Variants in ENOSF1 observed in about 807,000 individuals in gnomAD.
ENOSF1 encodes mitochondrial enolase superfamily member 1.
In ENOSF1, 73 loss-of-function variants were observed where a neutral mutation model predicts 68.2. The ratio of observed to expected loss-of-function variants is 1.07; its 90% CI spans 0.89 to 1.30. ENOSF1 has a LOEUF of 1.30. Among genes scored for constraint, ENOSF1 ranks in the 50% most tolerant of loss-of-function variants. The probability of loss-of-function intolerance (pLI) is 0.00; values close to 1 mark genes in which losing one functional copy is unlikely to be tolerated. For synonymous variants in ENOSF1, 223 were observed against 210.4 expected (o/e 1.06, Z -0.52); for missense variants, 589 against 554.5 (o/e 1.06, Z -0.62).
chr18:675,356 C>A lies in ENOSF1; in HGVS notation c.1195G>T (p.Val399Leu). The A allele has an allele frequency of 6.2e-7, 1 of 1,612,216 alleles. No homozygotes were observed. Among genetic ancestry groups the A allele is most frequent in the Non-Finnish European group, 8.5e-7 (1 of 1,179,710 alleles). ...ATGTAGGAAGCCCGCTGGATCATCACGGGATACTTGAAATGCTCATGCAGG... is the reference window on the plus strand; with the variant it reads ...ATGTAGGAAGCCCGCTGGATCATCAAGGGATACTTGAAATGCTCATGCAGG... ...DHLHEHFKYPVMIQRASYMPP... is the reference protein window; with the variant it reads ...DHLHEHFKYPLMIQRASYMPP... The change falls in exon 15 of 16, where the codon GTG (valine) becomes TTG (leucine). Residue 399 changes from valine to leucine, a missense_variant. By Grantham distance (32) the Val-to-Leu change is conservative. Transcript: ENST00000647584.
At chr18:704,715 C>G (rs1240886677) in intron 2 of ENOSF1, among the ~76,000 whole-genome samples, 1 of 151,022 alleles carries the variant, frequency 6.6e-6, no homozygotes, top group African/African-American at 2.4e-5. Context: ...AAGCAATTCT[C>G]GTGCTTCAGC....
At chr18:700,293 A>G (rs2078195978) in intron 2 of ENOSF1, among the ~76,000 whole-genome samples, 1 of 152,130 alleles carries the variant, frequency 6.6e-6, no homozygotes, top group Admixed American at 6.5e-5. Flanking sequence ...AGTCCTCCTC[A>G]CTTCTTGAAG....
At chr18:666,939 A>AGATGGT (rs1301411807), downstream of ENOSF1, among the ~76,000 whole-genome samples, 3 of 28,120 alleles carry the variant, frequency 1.1e-4, no homozygotes, top group South Asian at 1.8e-3. Context: ...ATGGTGATGG[A>AGATGGT]GATGGTGATG....
chr18:699,199 C>T (rs934214365), intron 2 of ENOSF1, among the ~76,000 whole-genome samples: 5 of 152,130 alleles, frequency 3.3e-5, no homozygotes, highest in Non-Finnish European at 7.4e-5. Context: ...CTGGCGCTCA[C>T]TCCTGTAATG....
At chr18:674,491 GCTTTTACGT>G (rs2075271884) in intron 15 of ENOSF1, 85 bp from the exon 16 acceptor site, 2 of 852,890 alleles carry the variant, frequency 2.3e-6, no homozygotes, top group South Asian at 3.1e-5. Flanking sequence ...TCCAAGAAAT[GCTTTTACGT>G]CTAAGCCAGA....
rs11429267 is a variant in ENOSF1, at chr18:704,440, G to GAAAAAAAAAAAA, written c.193+2018_193+2029dup. Among the ~76,000 whole-genome samples, 101 of 97,226 alleles carry GAAAAAAAAAAAA rather than the reference G, an allele frequency of 1.0e-3. 1 individual carries two copies. Among genetic ancestry groups the GAAAAAAAAAAAA allele is most frequent in the African/African-American group, 2.7e-3 (70 of 26,222 alleles). The allele number at this position is 97,226 out of a possible 152,430, so 63.8% of individuals were successfully genotyped here. A position where few individuals can be genotyped will look rare whatever the true frequency, so the allele number is the denominator to read the frequency against. On this transcript the variant is annotated intron_variant, in intron 2 of 15. Coordinates refer to ENST00000647584, the MANE Select transcript of ENOSF1 (RefSeq NM_017512.7). ...AAGACTCTTGTTTCCAAAAAGAAAA[G>GAAAAAAAAAAAA]AAAAAAAAAAAAAAAAAGAACAGCC...
intron 2 of ENOSF1, among the ~76,000 whole-genome samples, chr18:700,496 T>C (rs2078218904): frequency 6.6e-6 from 1 of 152,200 alleles, no homozygotes; most frequent in South Asian, 2.1e-4. Context: ...TTTTTATGAC[T>C]CTCAGAGTGC....
intron 2 of ENOSF1, among the ~76,000 whole-genome samples, chr18:702,785 TA>T (rs1374766058): frequency 2.0e-5 from 3 of 152,044 alleles, no homozygotes; most frequent in East Asian, 3.8e-4. Flanking sequence ...AAAAAAAGGA[TA>T]AAAATGAATA....
downstream of ENOSF1, among the ~76,000 whole-genome samples, chr18:665,890 T>C (rs1222656430): frequency 2.0e-5 from 2 of 98,472 alleles, 1 homozygote; most frequent in African/African-American, 1.3e-4. Context: ...TAGTTTGTTA[T>C]AATTTCTGTT....
downstream of ENOSF1, among the ~76,000 whole-genome samples, chr18:667,996 T>TTTTTTTTTTTTTTTTG (rs2074890308): frequency 6.9e-6 from 1 of 145,946 alleles, no homozygotes; most frequent in African/African-American, 2.6e-5. Flanking sequence ...ACAGGAATTT[T>TTTTTTTTTTTTTTTTG]TTTTTTTTTT....
chr18:688,559 C>A lies in ENOSF1; in HGVS notation c.653+15G>T, dbSNP rs781513421. The stretch of plus-strand genomic sequence containing the variant: ...TGCCGCCAACTGGGAAAGTCAGGTC[C>A]ATCATCACACTCACCTGGTCCAGCC... On this transcript the variant is annotated intron_variant, in intron 9 of 15. Coordinates refer to ENST00000647584, the MANE Select transcript of ENOSF1 (RefSeq NM_017512.7). 6.2e-7 allele frequency: 1 copy of A among 1,614,020 alleles called. No individual in the cohort carries two copies.
intron 8 of ENOSF1, 83 bp downstream of exon 8, chr18:690,464 TGA>T (rs1267324741): frequency 1.7e-5 from 25 of 1,443,258 alleles, no homozygotes; most frequent in Non-Finnish European, 2.2e-5. Context: ...AGTGAGGTAC[TGA>T]GAGTAGTGGT....
intron 2 of ENOSF1, among the ~76,000 whole-genome samples, chr18:700,278 G>T (rs2078192654): frequency 6.6e-6 from 1 of 152,110 alleles, no homozygotes. Flanking sequence ...ATTGTGAGAA[G>T]ACAGAGTCCT....
intron 2 of ENOSF1, among the ~76,000 whole-genome samples, chr18:703,808 T>C (rs1465719202): frequency 6.6e-6 from 1 of 152,182 alleles, no homozygotes; most frequent in Admixed American, 6.5e-5. Context: ...TGGGGCCTGG[T>C]GGGAGGTGAT....
chr18:671,004 G>C lies in ENOSF1; in HGVS notation c.*3301C>G. The C allele has an allele frequency of 9.3e-7, 1 of 1,071,724 alleles. No individual in the cohort carries two copies. Among genetic ancestry groups the C allele is most frequent in the Non-Finnish European group, 1.3e-6 (1 of 760,266 alleles). The allele number at this position is 1,071,724 out of a possible 1,614,324, so 66.4% of individuals were successfully genotyped here. On this transcript the variant is annotated 3_prime_UTR_variant, in exon 16 of 16. Coordinates refer to ENST00000647584, the MANE Select transcript of ENOSF1 (RefSeq NM_017512.7). The stretch of plus-strand genomic sequence containing the variant: ...ATATGTGTAAGTAAGAAATGAACCA[G>C]CTTTTACTTTGAAACCTTCCTCTTC...
intron 5 of ENOSF1, chr18:693,477 GATA>G (rs2077407426): frequency 2.0e-6 from 2 of 985,210 alleles, no homozygotes; most frequent in Non-Finnish European, 2.4e-6. Context: ...GCCTGGCCTG[GATA>G]ATATCTTCAT....
At chr18:683,223 A>G (rs771022460) in intron 11 of ENOSF1, 23 bp downstream of exon 11, 15 of 1,612,384 alleles carry the variant, frequency 9.3e-6, no homozygotes, top group South Asian at 2.2e-5. Flanking sequence ...AAGCTGCCAC[A>G]GCAGCAGCAG....
intron 11 of ENOSF1, among the ~76,000 whole-genome samples, chr18:682,633 C>A (rs1475281747): frequency 6.6e-6 from 1 of 150,808 alleles, no homozygotes; most frequent in Admixed American, 6.6e-5. Flanking sequence ...CTTTGGGAGG[C>A]CAAGGCGGGC....
At chr18:666,903 A>C (rs62090118), downstream of ENOSF1, among the ~76,000 whole-genome samples, 1,657 of 60,716 alleles carry the variant, frequency 0.027, 143 homozygotes, top group East Asian at 0.086. Context: ...ATGGTGATGG[A>C]GATGGTGATG....
Sources: gnomAD v4.1 joint callset for allele counts (sites outside exome capture counted in the v4.1 genomes callset) on GRCh38, gnomAD v4.1.1 for gene constraint, MANE v1.5 for transcripts, NCBI Gene and HGNC (gene_info 2026-07-23, HGNC 2026-07-21) for gene names.